SP140L: variants seen among roughly 807,000 people sequenced by gnomAD.
SP140L encodes the protein SP140 like nuclear body protein.
SP140L carries 64 observed loss-of-function variants against 84.3 expected under a neutral mutation model. The observed-to-expected ratio is 0.76, with a 90% confidence interval of 0.62 to 0.94. SP140L has a LOEUF of 0.94. Among genes scored for constraint, SP140L ranks in the 40% least tolerant of loss-of-function variants. The pLI, the probability that SP140L is intolerant of heterozygous loss-of-function variation, is 0.00. For missense variants in SP140L, 628 were observed against 692.5 expected, an observed-to-expected ratio of 0.91 and a Z score of 1.05; for synonymous variants, 242 against 236.9, an observed-to-expected ratio of 1.02 and a Z score of -0.20.
chr2:230,390,841 C>T (rs918138677), intron 11 of SP140L, among the ~76,000 whole-genome samples: 1 of 152,076 alleles, frequency 6.6e-6, no homozygotes, highest in African/African-American at 2.4e-5. Flanking sequence ...AACAATTTGT[C>T]CTTCACTAAA....
At chr2:230,347,558 C>T (rs754345912) in intron 2 of SP140L, among the ~76,000 whole-genome samples, 1 of 152,012 alleles carries the variant, frequency 6.6e-6, no homozygotes, top group Non-Finnish European at 1.5e-5. Context: ...TGTTTACTGT[C>T]CATGCAGGTC....
intron 11 of SP140L, among the ~76,000 whole-genome samples, chr2:230,390,429 T>G (rs2061753724): frequency 6.6e-6 from 1 of 152,220 alleles, no homozygotes; most frequent in Non-Finnish European, 1.5e-5. Flanking sequence ...TTAGGAAGCC[T>G]GAGTTCCAGC....
intron 5 of SP140L, among the ~76,000 whole-genome samples, chr2:230,363,116 A>T (rs1212125691): frequency 6.6e-6 from 1 of 152,198 alleles, no homozygotes; most frequent in Admixed American, 6.5e-5. Flanking sequence ...TGTTGGGTTT[A>T]TGGAGGTGTA....
At position 230,357,297 on chromosome 2, in the gene SP140L, T is replaced by G. The variant is rs530772446; in HGVS notation, c.108-508T>G. Among the ~76,000 whole-genome samples the G allele has an allele frequency of 2.6e-5, 4 of 152,332 alleles. No homozygotes were observed. The East Asian group carries it at 7.7e-4, about 29-fold the overall frequency. On this transcript the variant is annotated intron_variant, in intron 2 of 18. Coordinates refer to ENST00000415673, the MANE Select transcript of SP140L (RefSeq NM_138402.6). ...TTATCATTATTAAACCACATTGTAT[T>G]ATTTATGAATTAATTTTATGATATA...
chr2:230,357,660 C>T lies in SP140L; in HGVS notation c.108-145C>T, dbSNP rs566687505. The T allele has an allele frequency of 1.1e-4, 84 of 738,456 alleles. 2 individuals carry two copies. The South Asian group carries it at 1.8e-3, about 16-fold the overall frequency. The allele number at this position is 738,456 out of a possible 1,614,324, so 45.7% of individuals were successfully genotyped here. On this transcript the variant is annotated intron_variant, in intron 2 of 18. Transcript: ENST00000415673. ...TACATTTTTGTTTGTTGCTTCAATTCCATTTATTCTGGGCTCTACTGAGGA... is the reference window on the plus strand; with the variant it reads ...TACATTTTTGTTTGTTGCTTCAATTTCATTTATTCTGGGCTCTACTGAGGA...
intron 2 of SP140L, among the ~76,000 whole-genome samples, chr2:230,330,846 G>C (rs1017054704): frequency 1.3e-5 from 2 of 152,190 alleles, no homozygotes; most frequent in African/African-American, 2.4e-5. Flanking sequence ...GTTACTTGCT[G>C]TTCTGAGTAG....
intron 5 of SP140L, among the ~76,000 whole-genome samples, chr2:230,369,238 G>T (rs1020991494): frequency 7.5e-6 from 1 of 134,066 alleles, no homozygotes; most frequent in Non-Finnish European, 1.7e-5. Context: ...GCCAGAGTCT[G>T]CAGGGATCTA....
chr2:230,385,350 G>A lies in SP140L; in HGVS notation c.784+46G>A, dbSNP rs752525998. ...CTTTTCATTTGCCCTGCAGGTCAAT[G>A]CACATGTTGAGGTTTTGAGGAGCCT... On this transcript the variant is annotated intron_variant, in intron 9 of 18. Transcript: ENST00000415673. 1.5e-5 allele frequency: 23 copies of A among 1,577,646 alleles called. No individual in the cohort carries two copies. In the African/African-American group the frequency reaches 2.3e-4, roughly 16 times the overall value.
In SP140L at chr2:230,389,772, C is replaced by A. The variant is rs1575534314; in HGVS notation, c.860-147C>A. On this transcript the variant is annotated intron_variant, in intron 10 of 18. Transcript: ENST00000415673. ...ATTCTGTAGTTACCGATCAAAAATG[C>A]CACTTGGAAGAAAGACTTTGAAACT... The A allele has an allele frequency of 9.1e-6, 7 of 769,866 alleles. No homozygotes were observed. In the East Asian group the frequency reaches 2.0e-4, roughly 22 times the overall value. The allele number at this position is 769,866 out of a possible 1,614,324, so 47.7% of individuals were successfully genotyped here. A position where few individuals can be genotyped will look rare whatever the true frequency, so the allele number is the denominator to read the frequency against.
At chr2:230,339,947 C>T (rs975618369) in intron 2 of SP140L, among the ~76,000 whole-genome samples, 2 of 150,888 alleles carry the variant, frequency 1.3e-5, no homozygotes, top group Admixed American at 6.6e-5. Context: ...AGGTGTGGTG[C>T]TGAAAAAAAT....
At chr2:230,353,863 A>G (rs2060439839) in intron 2 of SP140L, among the ~76,000 whole-genome samples, 2 of 152,090 alleles carry the variant, frequency 1.3e-5, no homozygotes, top group Admixed American at 6.5e-5. Flanking sequence ...CATAGGTTTT[A>G]TAAGATCTGA....
intron 4 of SP140L, 114 bp downstream of exon 4, chr2:230,359,246 G>C (rs1024444664): frequency 3.3e-6 from 3 of 920,272 alleles, no homozygotes; most frequent in Non-Finnish European, 5.0e-6. Context: ...GCATAGAGTA[G>C]TTAACAAAAT....
At chr2:230,345,638 T>C (rs2149703957) in intron 2 of SP140L, among the ~76,000 whole-genome samples, 1 of 152,068 alleles carries the variant, frequency 6.6e-6, no homozygotes, top group South Asian at 2.1e-4. Context: ...GTTGATGAAT[T>C]TTAAAGTGAT....
chr2:230,366,328 A>C (rs1325995715), intron 5 of SP140L, among the ~76,000 whole-genome samples: 1 of 152,124 alleles, frequency 6.6e-6, no homozygotes, highest in Non-Finnish European at 1.5e-5. Flanking sequence ...TTAGTGTGCA[A>C]TTATTATGTC....
intron 11 of SP140L, 129 bp from the exon 12 acceptor site, chr2:230,391,958 G>A (rs2061827389): frequency 7.5e-7 from 1 of 1,331,828 alleles, no homozygotes; most frequent in African/African-American, 1.5e-5. Context: ...GTCTGAGAGG[G>A]AAGGCCAGAC....
intron 5 of SP140L, among the ~76,000 whole-genome samples, chr2:230,364,010 C>T (rs2060798544): frequency 6.6e-6 from 1 of 152,036 alleles, no homozygotes; most frequent in South Asian, 2.1e-4. Context: ...CTATTTTGTT[C>T]CATTTGTCTA....
intron 5 of SP140L, among the ~76,000 whole-genome samples, chr2:230,369,364 C>T (rs2060983042): frequency 6.6e-6 from 1 of 151,986 alleles, no homozygotes; most frequent in Non-Finnish European, 1.5e-5. Context: ...AGTCTGGGTT[C>T]ACTGAGGCTG....
chr2:230,358,232 AAAT>A (rs1311883234), intron 3 of SP140L, among the ~76,000 whole-genome samples: 14 of 152,228 alleles, frequency 9.2e-5, no homozygotes, highest in Non-Finnish European at 2.1e-4. Flanking sequence ...TAAAATTTAA[AAAT>A]AATTTTAATG....
At chr2:230,341,313 T>C (rs1303898613) in intron 2 of SP140L, among the ~76,000 whole-genome samples, 36 of 140,282 alleles carry the variant, frequency 2.6e-4, no homozygotes, top group Non-Finnish European at 4.5e-4. Flanking sequence ...ATTCTTCACG[T>C]AGTTCTCGAG....
Sources: gnomAD v4.1 joint callset for allele counts (sites outside exome capture counted in the v4.1 genomes callset) on GRCh38, gnomAD v4.1.1 for gene constraint, MANE v1.5 for transcripts, NCBI Gene and HGNC (gene_info 2026-07-23, HGNC 2026-07-21) for gene names.